IQGAP1: variants seen among roughly 807,000 people sequenced by gnomAD.
IQGAP1 encodes the protein IQ motif containing GTPase activating protein 1.
In IQGAP1, 66 loss-of-function variants were observed where a neutral mutation model predicts 215.6. That is an observed-to-expected ratio of 0.31 (90% CI 0.25 to 0.38). IQGAP1 has a LOEUF of 0.38. Among genes scored for constraint, IQGAP1 ranks in the 10% least tolerant of loss-of-function variants. The pLI, the probability that IQGAP1 is intolerant of heterozygous loss-of-function variation, is 1.00. For synonymous variants in IQGAP1, 772 were observed against 728.7 expected, an observed-to-expected ratio of 1.06 and a Z score of -0.96; for missense variants, 1,712 against 1,997.1, an observed-to-expected ratio of 0.86 and a Z score of 2.72.
At chr15:90,395,476 A>T (rs1420954938) in intron 2 of IQGAP1, among the ~76,000 whole-genome samples, 5 of 151,900 alleles carry the variant, frequency 3.3e-5, no homozygotes, top group Non-Finnish European at 7.4e-5. Flanking sequence ...GCCCACCACC[A>T]CGCCTGGCTA....
intron 2 of IQGAP1, among the ~76,000 whole-genome samples, chr15:90,410,400 G>A (rs375693952): frequency 2.6e-5 from 4 of 152,214 alleles, no homozygotes; most frequent in South Asian, 2.1e-4. Flanking sequence ...TGTTTACTGC[G>A]GCACTATTCA....
intron 5 of IQGAP1, among the ~76,000 whole-genome samples, chr15:90,435,937 C>A (rs1250017523): frequency 1.3e-5 from 2 of 152,056 alleles, no homozygotes; most frequent in Non-Finnish European, 2.9e-5. Context: ...AAAGTGCCTT[C>A]TTTTACCACA....
intron 2 of IQGAP1, among the ~76,000 whole-genome samples, chr15:90,410,602 C>T (rs1378154070): frequency 3.3e-5 from 5 of 151,566 alleles, no homozygotes; most frequent in East Asian, 1.9e-4. Flanking sequence ...AACCAAACAC[C>T]GCATGTTCTC....
intron 35 of IQGAP1, chr15:90,494,503 TA>T: frequency 3.0e-6 from 1 of 332,062 alleles, no homozygotes; most frequent in Non-Finnish European, 5.6e-6. Context: ...TAATTTAAAC[TA>T]AAAATAGAAG....
chr15:90,397,888 C>CTTTTTTTTTTTTTTTT (rs763133807), intron 2 of IQGAP1: 1 of 44,374 alleles, frequency 2.3e-5, no homozygotes, highest in Non-Finnish European at 4.0e-5. Context: ...TTTTTTTTTT[C>CTTTTTTTTTTTTTTTT]TTTTTTTTTT....
At chr15:90,463,146 C>T (rs1365970486) in intron 15 of IQGAP1, among the ~76,000 whole-genome samples, 3 of 152,206 alleles carry the variant, frequency 2.0e-5, no homozygotes, top group African/African-American at 7.2e-5. Flanking sequence ...ACACCTGAGA[C>T]ACCCATCCAT....
chr15:90,391,963 C>T (rs1964642085), intron 2 of IQGAP1: 1 of 152,084 alleles, frequency 6.6e-6, no homozygotes, highest in Admixed American at 6.6e-5. Flanking sequence ...TATTTTAATT[C>T]TGAAAATCTT....
At chr15:90,466,816 G>T (rs1163085740) in intron 17 of IQGAP1, among the ~76,000 whole-genome samples, 1 of 152,218 alleles carries the variant, frequency 6.6e-6, no homozygotes, top group Non-Finnish European at 1.5e-5. Context: ...ACTGGGCCGG[G>T]TGCGGTGGCA....
chr15:90,425,182 T>C (rs1965203483), intron 2 of IQGAP1, among the ~76,000 whole-genome samples: 1 of 151,778 alleles, frequency 6.6e-6, no homozygotes, highest in Admixed American at 6.6e-5. Flanking sequence ...TGGTGGTGCA[T>C]GCCTGGAGTC....
rs758432121 is a variant in IQGAP1 at position 90,456,328 on chromosome 15, G to A, written c.1776+13G>A. On this transcript the variant is annotated intron_variant, in intron 15 of 37. Transcript: ENST00000268182. The stretch of plus-strand genomic sequence containing the variant: ...AGAGAAAGCCCAGGTGAGTGGCATC[G>A]GAATTGTTCTTTATGTTCAGAGCAC... The A allele has an allele frequency of 1.4e-5, 23 of 1,613,222 alleles. No individual in the cohort carries two copies. The highest frequency in any genetic ancestry group is 1.1e-4 in the East Asian group (5 of 44,862).
Position 90,483,403 on chromosome 15 carries a change from A to G in IQGAP1, c.3598A>G (p.Ile1200Val), listed in dbSNP as rs1346162404. The change falls in exon 29 of 38, where the codon ATT (isoleucine) becomes GTT (valine). Residue 1200 changes from isoleucine to valine, a missense_variant. By Grantham distance (29) the Ile-to-Val change is conservative (BLOSUM62 3). This residue lies in a region of IQGAP1 where 691 missense variants were observed against 923.0 expected (regional missense o/e 0.75). Coordinates refer to ENST00000268182, the MANE Select transcript of IQGAP1 (RefSeq NM_003870.4). ...TTATTATCGATACATGAATCCAGCC[A>G]TTGTTGCTCCTGATGCCTTTGACAT... Reference protein sequence around the residue: ...LLYYRYMNPAIVAPDAFDIID... With the variant: ...LLYYRYMNPAVVAPDAFDIID... 1.2e-6 allele frequency: 2 copies of G among 1,614,148 alleles called. No individual in the cohort carries two copies. Among genetic ancestry groups the G allele is most frequent in the Non-Finnish European group, 1.7e-6 (2 of 1,180,016 alleles).
intron 2 of IQGAP1, among the ~76,000 whole-genome samples, chr15:90,405,095 T>C (rs1412951369): frequency 1.3e-5 from 2 of 152,230 alleles, no homozygotes. Flanking sequence ...ATTTGGAATT[T>C]ATTTTGGTGT....
chr15:90,492,370 A>G (rs568286821), intron 34 of IQGAP1, among the ~76,000 whole-genome samples, 175 bp from the exon 35 acceptor site: 2 of 151,048 alleles, frequency 1.3e-5, no homozygotes, highest in South Asian at 2.1e-4. Context: ...GGCTGAGGCT[A>G]CAGGAAGCCG....
Position 90,465,995 on chromosome 15 carries a change from A to T in IQGAP1, c.1777-6A>T, listed in dbSNP as rs747795243. On this transcript the variant is annotated splice_region_variant and splice_polypyrimidine_tract_variant and intron_variant, in intron 15 of 37. Transcript: ENST00000268182. ...ACTTTAATATTTTGCTTTTAATGAT[A>T]TGTAGGAAATCCAGGATGAGTCAGC... The T allele has an allele frequency of 7.4e-6, 12 of 1,612,176 alleles. No homozygotes were observed. The highest frequency in any genetic ancestry group is 9.3e-6 in the Non-Finnish European group (11 of 1,178,374).
intron 17 of IQGAP1, among the ~76,000 whole-genome samples, 163 bp downstream of exon 17, chr15:90,466,599 T>A (rs1400005577): frequency 6.9e-6 from 1 of 145,810 alleles, no homozygotes; most frequent in Admixed American, 6.7e-5. Flanking sequence ...TTTGAAAATA[T>A]CCTTCCCCCC....
rs568958700 is a variant in IQGAP1, at chr15:90,413,796, T to G, written c.156-12314T>G. On this transcript the variant is annotated intron_variant, in intron 2 of 37. Transcript: ENST00000268182. ...TCATTTAATCCTTACAACAACCTTA[T>G]GAAGTTTGGTGTGTTGCTAATCCTG... is the stretch of plus-strand genomic sequence containing the variant. 6.6e-5 allele frequency among the ~76,000 whole-genome samples: 10 copies of G among 152,340 alleles called. No individual in the cohort carries two copies. The South Asian group carries it at 2.1e-3, about 32-fold the overall frequency.
chr15:90,484,146 GT>G (rs1966094588), intron 29 of IQGAP1, 73 bp from the exon 30 acceptor site: 4 of 1,354,186 alleles, frequency 3.0e-6, no homozygotes, highest in Non-Finnish European at 4.1e-6. Context: ...TGTGTGAGAG[GT>G]TTGTGAAATG....
chr15:90,447,234 G>C (rs1965539035), intron 9 of IQGAP1, among the ~76,000 whole-genome samples: 1 of 152,204 alleles, frequency 6.6e-6, no homozygotes, highest in African/African-American at 2.4e-5. Context: ...TTGGTATGGT[G>C]CTCAGTTGAA....
At chr15:90,438,460 AT>A (rs1159552553) in intron 5 of IQGAP1, among the ~76,000 whole-genome samples, 1 of 151,556 alleles carries the variant, frequency 6.6e-6, no homozygotes, top group African/African-American at 2.4e-5. Context: ...AGTCTAGTTG[AT>A]TTTTTTTTAA....
Sources: allele counts gnomAD v4.1 joint callset (sites outside exome capture counted in the v4.1 genomes callset), GRCh38; gene constraint gnomAD v4.1.1; regional missense constraint gnomAD v4.1.1; transcripts MANE v1.5; gene names NCBI Gene and HGNC (gene_info 2026-07-23, HGNC 2026-07-21).